Variants in PXDN observed in about 807,000 individuals in gnomAD.
PXDN encodes the protein peroxidasin homolog.
In PXDN, 77 loss-of-function variants were observed where a neutral mutation model predicts 140.3. That is an observed-to-expected ratio of 0.55 (90% CI 0.46 to 0.66). PXDN has a LOEUF of 0.66. PXDN is among the 30% of genes least tolerant of loss of function. PXDN has a pLI of 0.00. For missense variants in PXDN, 1,838 were observed against 2,039.5 expected, an observed-to-expected ratio of 0.90 and a Z score of 1.90; for synonymous variants, 911 against 857.4, an observed-to-expected ratio of 1.06 and a Z score of -1.09.
chr2:1,660,388 G>A lies in PXDN; in HGVS notation c.1837+493C>T, dbSNP rs1421218048. 3.3e-5 allele frequency among the ~76,000 whole-genome samples: 5 copies of A among 152,160 alleles called. No individual in the cohort carries two copies. Among genetic ancestry groups the A allele is most frequent in the East Asian group, 1.9e-4 (1 of 5,178 alleles). On this transcript the variant is annotated intron_variant, in intron 14 of 22. Coordinates refer to ENST00000252804, the MANE Select transcript of PXDN (RefSeq NM_012293.3). The surrounding 1 kb of genome is among the most constrained non-coding windows in gnomAD (Gnocchi z 4.6). ...GAGTCAGGACGGCTCTAGGACCACC[G>A]ACTGGATCTATGTAAGGCTGCCTAC...
intron 1 of PXDN, among the ~76,000 whole-genome samples, chr2:1,710,998 TCCACCAGC>T (rs1322838064): frequency 4.7e-5 from 3 of 63,564 alleles, no homozygotes; most frequent in Non-Finnish European, 9.7e-5. Context: ...CAGCACCCAC[TCCACCAGC>T]ACCCACTCTC....
chr2:1,647,478 C>T (rs1245178872), intron 17 of PXDN, among the ~76,000 whole-genome samples: 1 of 152,216 alleles, frequency 6.6e-6, no homozygotes, highest in Non-Finnish European at 1.5e-5. Context: ...TTCCACCCCA[C>T]AGGGTCCGAG....
rs150837479 is a variant in PXDN, at chr2:1,662,645, G to C, written c.1568-461C>G. On this transcript the variant is annotated intron_variant, in intron 12 of 22. Coordinates refer to ENST00000252804, the MANE Select transcript of PXDN (RefSeq NM_012293.3). ...TGAAAGAGCAGGAGCGTGGCTGAGT[G>C]CTGGGATCTGGGGAGCCGTTCAGGA... 2.5e-4 allele frequency among the ~76,000 whole-genome samples: 38 copies of C among 152,346 alleles called. No homozygotes were observed. The East Asian group carries it at 6.4e-3, about 26-fold the overall frequency.
In PXDN at chr2:1,744,437, C is replaced by A. The variant is rs775995985; in HGVS notation, c.19G>T (p.Gly7Cys). 3,328 of 1,496,966 alleles carry A rather than the reference C, an allele frequency of 2.2e-3. 6 individuals are homozygous for A. The highest frequency in any genetic ancestry group is 2.8e-3 in the Non-Finnish European group (3,172 of 1,130,348). The allele number at this position is 1,496,966 out of a possible 1,614,324, so 92.7% of individuals were successfully genotyped here. A position where few individuals can be genotyped will look rare whatever the true frequency, so the allele number is the denominator to read the frequency against. The change falls in exon 1 of 23, where the codon GGC (glycine) becomes TGC (cysteine). Residue 7 changes from glycine to cysteine, a missense_variant. By Grantham distance (159) the Gly-to-Cys change is radical. Around this residue, in one of 5 missense-constraint regions of PXDN, gnomAD observed 231 missense variants for 201.5 expected, o/e 1.15. Coordinates refer to ENST00000252804, the MANE Select transcript of PXDN (RefSeq NM_012293.3). MAKRSR[G>C]PGRRCLLALV... ...GCCAACAGGCAGCGGCGCCCGGGGC[C>A]CCTGGAGCGCTTGGCCATGGCCGAC...
rs1682466730 is a variant in PXDN, at chr2:1,633,464, A to C, written c.*740T>G. 2 of 152,046 alleles carry C rather than the reference A, an allele frequency of 1.3e-5. No individual in the cohort carries two copies. The highest frequency in any genetic ancestry group is 2.9e-5 in the Non-Finnish European group (2 of 68,018). 9.4% of individuals were successfully genotyped at this position (152,046 alleles called of 1,614,324 possible). A position where few individuals can be genotyped will look rare whatever the true frequency, so the allele number is the denominator to read the frequency against. Reference sequence around the variant, plus strand: ...AATGTGGCTTATGAATGTTCTAATCAGGTGTGGAAGGAGCTGACACACGGA... The same window carrying C: ...AATGTGGCTTATGAATGTTCTAATCCGGTGTGGAAGGAGCTGACACACGGA... On this transcript the variant is annotated 3_prime_UTR_variant, in exon 23 of 23. Transcript: ENST00000252804.
intron 1 of PXDN, among the ~76,000 whole-genome samples, chr2:1,739,991 G>A (rs961609951): frequency 6.6e-6 from 1 of 152,178 alleles, no homozygotes; most frequent in Non-Finnish European, 1.5e-5. Flanking sequence ...CCCAGCAGAC[G>A]CATCTGCACA....
chr2:1,679,849 A>AGATGG (rs1683838715), intron 7 of PXDN, among the ~76,000 whole-genome samples: 1 of 105,088 alleles, frequency 9.5e-6, no homozygotes. Context: ...GTGTGTGTGT[A>AGATGG]TGTGCGTGTG....
chr2:1,666,118 G>A lies in PXDN; in HGVS notation c.1291+96C>T, dbSNP rs1177452565. ...ACCGAGTGAAGTGGACAGGGCAGAA[G>A]ATTCTATGGAGCGTCTGTGGGTATG... On this transcript the variant is annotated intron_variant, in intron 10 of 22. Transcript: ENST00000252804. 2.5e-5 allele frequency: 37 copies of A among 1,487,094 alleles called. No individual in the cohort carries two copies. In the East Asian group the frequency reaches 8.4e-4, roughly 34 times the overall value. The allele number at this position is 1,487,094 out of a possible 1,614,324, so 92.1% of individuals were successfully genotyped here.
intron 1 of PXDN, among the ~76,000 whole-genome samples, chr2:1,733,437 G>A (rs560800854): frequency 6.6e-6 from 1 of 152,104 alleles, no homozygotes; most frequent in East Asian, 1.9e-4. Flanking sequence ...CAATGTGAGA[G>A]GACATTTTTA....
In PXDN at chr2:1,634,244, C is replaced by T; in HGVS notation, c.4400G>A (p.Cys1467Tyr). The change falls in exon 23 of 23, where the codon TGT (cysteine) becomes TAT (tyrosine). Residue 1467 changes from cysteine (C) to tyrosine (Y), a missense_variant. Transcript: ENST00000252804. ...CGCCCTCTTCTGTAAGCAGACTGGA[C>T]AGCAGGCCCCTGGGATGTTCACGGG... Reference protein sequence around the residue: ...AVPVNIPGACCPVCLQKRAEE... With the variant: ...AVPVNIPGACYPVCLQKRAEE... 1.2e-6 allele frequency: 2 copies of T among 1,605,702 alleles called. No individual in the cohort carries two copies. The highest frequency in any genetic ancestry group is 1.7e-6 in the Non-Finnish European group (2 of 1,176,342).
intron 9 of PXDN, among the ~76,000 whole-genome samples, chr2:1,668,082 C>T (rs1483431742): frequency 5.3e-5 from 8 of 152,104 alleles, no homozygotes; most frequent in South Asian, 4.1e-4. Flanking sequence ...CAAAACAACA[C>T]GATAGTGCTA....
intron 4 of PXDN, 100 bp from the exon 5 acceptor site, chr2:1,684,251 T>G (rs1683994128): frequency 1.2e-6 from 1 of 868,524 alleles, no homozygotes; most frequent in Non-Finnish European, 1.9e-6. Flanking sequence ...AATTCAGATA[T>G]CAATAGATAG....
At chr2:1,730,700 A>C (rs1460965206) in intron 1 of PXDN, among the ~76,000 whole-genome samples, 1 of 152,132 alleles carries the variant, frequency 6.6e-6, no homozygotes, top group Non-Finnish European at 1.5e-5. Flanking sequence ...GCTTCCTTCT[A>C]AGCCTCCACT....
intron 1 of PXDN, among the ~76,000 whole-genome samples, chr2:1,719,627 G>A (rs1054172437): frequency 2.6e-5 from 4 of 152,224 alleles, no homozygotes; most frequent in Admixed American, 6.5e-5. Flanking sequence ...ACATTTTCAA[G>A]TTCAAGTTCT....
chr2:1,638,789 G>T, intron 21 of PXDN, 57 bp downstream of exon 21: 1 of 1,609,962 alleles, frequency 6.2e-7, no homozygotes, highest in South Asian at 1.1e-5. Flanking sequence ...GGTTCGGGCA[G>T]GGCTGTGCTG....
chr2:1,698,173 G>C (rs764593306), intron 1 of PXDN, among the ~76,000 whole-genome samples: 1 of 152,188 alleles, frequency 6.6e-6, no homozygotes, highest in Non-Finnish European at 1.5e-5. Context: ...GGTCACAGAA[G>C]GACGACAAGT....
At chr2:1,657,664 C>T (rs1446495260) in intron 14 of PXDN, among the ~76,000 whole-genome samples, 3 of 151,860 alleles carry the variant, frequency 2.0e-5, no homozygotes, top group East Asian at 2.0e-4. Context: ...GACCTGCCCA[C>T]TCCTGACAGG....
At position 1,660,304 on chromosome 2, in the gene PXDN, G is replaced by T. The variant is rs899404728; in HGVS notation, c.1837+577C>A. On this transcript the variant is annotated intron_variant, in intron 14 of 22. Coordinates refer to ENST00000252804, the MANE Select transcript of PXDN (RefSeq NM_012293.3). The surrounding 1 kb of genome is among the most constrained non-coding windows in gnomAD (Gnocchi z 4.6). Reference sequence around the variant, plus strand: ...ACCCGGACAAGATGCCAAGGGCCTCGGGGTGAGTGGGATGGAAGTGGTGGC... The same window carrying T: ...ACCCGGACAAGATGCCAAGGGCCTCTGGGTGAGTGGGATGGAAGTGGTGGC... Among the ~76,000 whole-genome samples the T allele has an allele frequency of 6.6e-6, 1 of 152,102 alleles. No individual in the cohort carries two copies.
chr2:1,674,281 C>T (rs902726015), intron 8 of PXDN, among the ~76,000 whole-genome samples: 4 of 152,228 alleles, frequency 2.6e-5, no homozygotes, highest in African/African-American at 9.7e-5. Flanking sequence ...ATAACCATTG[C>T]TCACTGCAGC....
Sources: allele counts gnomAD v4.1 joint callset (sites outside exome capture counted in the v4.1 genomes callset), GRCh38; gene constraint gnomAD v4.1.1; regional missense constraint gnomAD v4.1.1; non-coding constraint Gnocchi (gnomAD v3.1); transcripts MANE v1.5; gene names NCBI Gene and HGNC (gene_info 2026-07-23, HGNC 2026-07-21).